The following ZDHHC2 variants were observed in gnomAD, a reference collection of about 807,000 sequenced individuals.
ZDHHC2 encodes zDHHC palmitoyltransferase 2.
ZDHHC2 carries 51 observed loss-of-function variants against 55.6 expected under a neutral mutation model. That is an observed-to-expected ratio of 0.92 (90% CI 0.73 to 1.16). The LOEUF (loss-of-function observed/expected upper bound fraction) is 1.16, where lower values mean the gene tolerates loss of function less well. Ranked by LOEUF, ZDHHC2 falls within the 50% of genes most tolerant of loss-of-function variation. The probability of loss-of-function intolerance (pLI) is 0.00; values close to 1 mark genes in which losing one functional copy is unlikely to be tolerated. For synonymous variants in ZDHHC2, 199 were observed against 152.9 expected (o/e 1.30, Z -2.22); for missense variants, 491 against 442.4 (o/e 1.11, Z -0.99).
intron 3 of ZDHHC2, among the ~76,000 whole-genome samples, chr8:17,186,689 A>AT (rs1805728221): frequency 6.6e-6 from 1 of 152,192 alleles, no homozygotes; most frequent in South Asian, 2.1e-4. Context: ...GGATGGATGG[A>AT]TAGGTAGACA....
rs1563161388 is a variant in ZDHHC2 at position 17,199,562 on chromosome 8, T to TTCTG, written c.476+1152_476+1153insGTCT. On this transcript the variant is annotated intron_variant, in intron 6 of 12. Coordinates refer to ENST00000262096, the MANE Select transcript of ZDHHC2 (RefSeq NM_016353.5). Reference sequence around the variant, plus strand: ...TTCGTCTTCTGTCTTCGTCTTCGTCTTCTTCGTCTTTGTCTTCTTCTTCTT... The same window carrying TTCTG: ...TTCGTCTTCTGTCTTCGTCTTCGTCTTCTGTCTTCGTCTTTGTCTTCTTCTTCTT... Among the ~76,000 whole-genome samples, 16 of 80,784 alleles carry TTCTG rather than the reference T, an allele frequency of 2.0e-4. 1 individual carries two copies. The highest frequency in any genetic ancestry group is 1.7e-3 in the South Asian group (4 of 2,372). The allele number at this position is 80,784 out of a possible 152,430, so 53.0% of individuals were successfully genotyped here.
At chr8:17,183,292 G>T (rs1805527510) in intron 1 of ZDHHC2, among the ~76,000 whole-genome samples, 1 of 152,146 alleles carries the variant, frequency 6.6e-6, no homozygotes, top group Non-Finnish European at 1.5e-5. Flanking sequence ...GTCAATTTTG[G>T]AGCACTTTTG....
intron 10 of ZDHHC2, among the ~76,000 whole-genome samples, chr8:17,213,913 A>G (rs956378216): frequency 2.0e-5 from 3 of 152,090 alleles, no homozygotes; most frequent in Non-Finnish European, 4.4e-5. Flanking sequence ...TTTAAGATTT[A>G]CCTCCAAAAT....
intron 1 of ZDHHC2, among the ~76,000 whole-genome samples, chr8:17,182,482 C>T (rs1474048049): frequency 6.6e-6 from 1 of 151,966 alleles, no homozygotes; most frequent in Non-Finnish European, 1.5e-5. Flanking sequence ...ATAATCTTGG[C>T]GAAAGTGTAA....
rs73540898 is a variant in ZDHHC2 at position 17,163,536 on chromosome 8, T to C, written c.130+6683T>C. 5.6e-3 allele frequency among the ~76,000 whole-genome samples: 853 copies of C among 152,302 alleles called. 10 individuals carry two copies. The highest frequency in any genetic ancestry group is 0.02 in the African/African-American group (812 of 41,554). Reference sequence around the variant, plus strand: ...TTTTATGTTTTATCTTGATGGAGAATTTGTGATTTTCCTTCTCAGAAAAAT... The same window carrying C: ...TTTTATGTTTTATCTTGATGGAGAACTTGTGATTTTCCTTCTCAGAAAAAT... On this transcript the variant is annotated intron_variant, in intron 1 of 12. Transcript: ENST00000262096.
At chr8:17,200,034 C>T (rs191279656) in intron 6 of ZDHHC2, among the ~76,000 whole-genome samples, 7 of 152,256 alleles carry the variant, frequency 4.6e-5, no homozygotes, top group African/African-American at 1.4e-4. Flanking sequence ...GGATTACAGG[C>T]GCGAGCCACC....
At chr8:17,185,236 A>G (rs1805650348) in intron 2 of ZDHHC2, among the ~76,000 whole-genome samples, 1 of 152,244 alleles carries the variant, frequency 6.6e-6, no homozygotes, top group Admixed American at 6.5e-5. Context: ...AATTGCTATT[A>G]AAGTTTTAAA....
intron 8 of ZDHHC2, among the ~76,000 whole-genome samples, 153 bp downstream of exon 8, chr8:17,208,245 A>T (rs1807202567): frequency 6.6e-6 from 1 of 150,918 alleles, no homozygotes; most frequent in African/African-American, 2.4e-5. Context: ...TCGCTTAGAC[A>T]CATACAGGTT....
intron 3 of ZDHHC2, among the ~76,000 whole-genome samples, chr8:17,186,691 A>G (rs1046471059): frequency 1.7e-4 from 26 of 152,216 alleles, no homozygotes; most frequent in Non-Finnish European, 3.4e-4. Context: ...ATGGATGGAT[A>G]GGTAGACAAA....
At chr8:17,212,280 C>G (rs1807424411) in intron 10 of ZDHHC2, among the ~76,000 whole-genome samples, 1 of 152,134 alleles carries the variant, frequency 6.6e-6, no homozygotes, top group Non-Finnish European at 1.5e-5. Context: ...ACTTGACACA[C>G]CCACTTGGAC....
At chr8:17,173,666 A>C (rs1352284567) in intron 1 of ZDHHC2, among the ~76,000 whole-genome samples, 2 of 143,408 alleles carry the variant, frequency 1.4e-5, no homozygotes, top group Non-Finnish European at 3.1e-5. Flanking sequence ...TGAGAGACGG[A>C]AAAAGACCCT....
chr8:17,156,939 G>GC (rs1266921627), intron 1 of ZDHHC2, 86 bp downstream of exon 1: 8 of 1,289,072 alleles, frequency 6.2e-6, no homozygotes, highest in Non-Finnish European at 7.1e-6. Flanking sequence ...CTCCGCTCTC[G>GC]CCCCCCGGAT....
intron 1 of ZDHHC2, among the ~76,000 whole-genome samples, chr8:17,163,285 G>A (rs1388179583): frequency 1.3e-5 from 2 of 152,298 alleles, no homozygotes; most frequent in East Asian, 3.9e-4. Flanking sequence ...GTAACAGCGG[G>A]TCCAGTGTTC....
intron 1 of ZDHHC2, among the ~76,000 whole-genome samples, chr8:17,174,818 C>T (rs1217165048): frequency 2.6e-5 from 4 of 151,386 alleles, no homozygotes; most frequent in Admixed American, 2.6e-4. Context: ...TCAAGGGATC[C>T]TCCCACCTCA....
chr8:17,179,108 G>A (rs1237796616), intron 1 of ZDHHC2, among the ~76,000 whole-genome samples: 1 of 152,080 alleles, frequency 6.6e-6, no homozygotes, highest in Non-Finnish European at 1.5e-5. Context: ...GCACCACTAT[G>A]CCTGGCTAAT....
chr8:17,205,954 A>G lies in ZDHHC2; in HGVS notation c.597+179A>G, dbSNP rs532461036. 4.6e-5 allele frequency among the ~76,000 whole-genome samples: 7 copies of G among 152,334 alleles called. No individual in the cohort carries two copies. The South Asian group carries it at 1.4e-3, about 32-fold the overall frequency. ...TCAGTAAGATGTAATTGTAACCCCC[A>G]CATCGATACTGACAGCTTTCGTCAT... On this transcript the variant is annotated intron_variant, in intron 7 of 12. Coordinates refer to ENST00000262096, the MANE Select transcript of ZDHHC2 (RefSeq NM_016353.5).
intron 10 of ZDHHC2, among the ~76,000 whole-genome samples, chr8:17,211,006 C>G (rs1004175679): frequency 1.3e-5 from 2 of 152,048 alleles, no homozygotes; most frequent in African/African-American, 4.8e-5. Flanking sequence ...GAGAGAGAAG[C>G]CAGAGTCTTA....
At chr8:17,184,012 G>A (rs1805571293) in intron 1 of ZDHHC2, among the ~76,000 whole-genome samples, 1 of 152,092 alleles carries the variant, frequency 6.6e-6, no homozygotes, top group East Asian at 1.9e-4. Flanking sequence ...AGCTGAATAA[G>A]GACAAAAATA....
intron 7 of ZDHHC2, 97 bp from the exon 8 acceptor site, chr8:17,207,863 T>C (rs187422933): frequency 1.6e-4 from 175 of 1,070,164 alleles, no homozygotes; most frequent in Non-Finnish European, 6.9e-5. Flanking sequence ...TTAAGAAAAA[T>C]TTTAAGCAAA....
Sources: gnomAD v4.1 joint callset for allele counts (sites outside exome capture counted in the v4.1 genomes callset) on GRCh38, gnomAD v4.1.1 for gene constraint, MANE v1.5 for transcripts, NCBI Gene and HGNC (gene_info 2026-07-23, HGNC 2026-07-21) for gene names.